The following PAMR1 variants were observed in gnomAD, a reference collection of about 807,000 sequenced individuals.
The protein encoded by PAMR1 is peptidase domain containing associated with muscle regeneration 1, also known as inactive serine protease PAMR1.
PAMR1 carries 88 observed loss-of-function variants against 81.8 expected under a neutral mutation model. The observed-to-expected ratio is 1.08, with a 90% CI of 0.91 to 1.28. The LOEUF (loss-of-function observed/expected upper bound fraction) is 1.28. PAMR1 is among the 50% of genes most tolerant of loss of function. The pLI is 0.00. For synonymous variants in PAMR1, 336 were observed against 345.3 expected (o/e 0.97, Z 0.30); for missense variants, 935 against 919.7 (o/e 1.02, Z -0.21).
At chr11:35,512,393 C>T (rs1334723796) in intron 1 of PAMR1, among the ~76,000 whole-genome samples, 1 of 152,112 alleles carries the variant, frequency 6.6e-6, no homozygotes, top group African/African-American at 2.4e-5. Context: ...TAAATTGCCC[C>T]AGGTAACACG....
intron 6 of PAMR1, among the ~76,000 whole-genome samples, chr11:35,459,965 G>A (rs773459840): frequency 3.3e-5 from 5 of 152,206 alleles, no homozygotes; most frequent in Non-Finnish European, 5.9e-5. Context: ...GGAACATTGA[G>A]ACAAATAAAT....
chr11:35,451,248 G>A lies in PAMR1; in HGVS notation c.821-9555C>T, dbSNP rs568815954. On this transcript the variant is annotated intron_variant, in intron 6 of 10. Coordinates refer to ENST00000619888, the MANE Select transcript of PAMR1 (RefSeq NM_001001991.3). The stretch of plus-strand genomic sequence containing the variant: ...ATATTTAATGTGGATTTAACTAGCA[G>A]AAACTTTAGAGAGTTTTTGAGCCCT... Among the ~76,000 whole-genome samples, 12 of 152,292 alleles carry A rather than the reference G, an allele frequency of 7.9e-5. No homozygotes were observed. The South Asian group carries it at 2.1e-3, about 26-fold the overall frequency.
At chr11:35,527,338 C>T (rs547795753), upstream of PAMR1, among the ~76,000 whole-genome samples, 19 of 152,252 alleles carry the variant, frequency 1.2e-4, no homozygotes, top group East Asian at 2.5e-3. Flanking sequence ...AATAAGATTA[C>T]GCATGTAAGG....
chr11:35,516,778 A>G (rs531165975), intron 1 of PAMR1, among the ~76,000 whole-genome samples: 1 of 152,334 alleles, frequency 6.6e-6, no homozygotes, highest in South Asian at 2.1e-4. Context: ...TGACAAACAC[A>G]AGAGAATTTT....
At chr11:35,492,755 C>T (rs1042201911) in intron 2 of PAMR1, among the ~76,000 whole-genome samples, 7 of 152,174 alleles carry the variant, frequency 4.6e-5, no homozygotes, top group Non-Finnish European at 1.0e-4. Context: ...ACAATAGGCT[C>T]ACCGTGGAAT....
chr11:35,474,622 C>G lies in PAMR1; in HGVS notation c.494+8G>C. On this transcript the variant is annotated splice_region_variant and intron_variant, in intron 4 of 10. Coordinates refer to ENST00000619888, the MANE Select transcript of PAMR1 (RefSeq NM_001001991.3). ...TCAGACTCCTGACTTCTGGCCCCAG[C>G]TCCTTACCTTAGTTGGATGACAAAC... 1 of 1,538,172 alleles carries G rather than the reference C, an allele frequency of 6.5e-7. No homozygotes were observed. Among genetic ancestry groups the G allele is most frequent in the Admixed American group, 1.8e-5 (1 of 54,632 alleles).
At chr11:35,527,401 A>G (rs932917989), upstream of PAMR1, among the ~76,000 whole-genome samples, 2 of 152,230 alleles carry the variant, frequency 1.3e-5, no homozygotes, top group Non-Finnish European at 2.9e-5. Flanking sequence ...ATTAATCATT[A>G]TCTCTATTAT....
intron 6 of PAMR1, among the ~76,000 whole-genome samples, chr11:35,454,227 T>G (rs890700563): frequency 1.3e-5 from 2 of 152,220 alleles, no homozygotes; most frequent in African/African-American, 4.8e-5. Flanking sequence ...GAACCGGCAC[T>G]TACAACCTTC....
chr11:35,500,046 A>G (rs934247560), intron 1 of PAMR1, among the ~76,000 whole-genome samples: 15 of 152,258 alleles, frequency 9.9e-5, no homozygotes, highest in Non-Finnish European at 2.2e-4. Flanking sequence ...GGCAACCTCT[A>G]GAAGTCTGAA....
At position 35,432,532 on chromosome 11, in the gene PAMR1, C is replaced by T. The variant is rs758239801; in HGVS notation, c.1987G>A (p.Ala663Thr). The change falls in exon 11 of 11, where the codon GCA (alanine) becomes ACA (threonine). Residue 663 changes from alanine to threonine, a missense_variant. By Grantham distance (58) the Ala-to-Thr change is moderately conservative (BLOSUM62 0). Transcript: ENST00000619888. ...ACAGCCGCGATGCCTCCTGTCTCTGCAGTGCAGATATCAGAAGGGGCAGTG... is the reference window on the plus strand; with the variant it reads ...ACAGCCGCGATGCCTCCTGTCTCTGTAGTGCAGATATCAGAAGGGGCAGTG... The part of the protein sequence containing the change: ...EPTAPSDICT[A>T]ETGGIAAVSF... 16 of 1,614,254 alleles carry T rather than the reference C, an allele frequency of 9.9e-6. No homozygotes were observed. The highest frequency in any genetic ancestry group is 1.6e-4 in the Middle Eastern group (1 of 6,062).
At chr11:35,445,997 C>T (rs1019243649) in intron 6 of PAMR1, among the ~76,000 whole-genome samples, 3 of 152,152 alleles carry the variant, frequency 2.0e-5, no homozygotes, top group Non-Finnish European at 4.4e-5. Context: ...TTAATTACTA[C>T]CTCGATTTCA....
chr11:35,499,990 G>A (rs909940069), intron 1 of PAMR1, among the ~76,000 whole-genome samples: 16 of 152,196 alleles, frequency 1.1e-4, no homozygotes, highest in Non-Finnish European at 1.6e-4. Flanking sequence ...TTGGAGTGAT[G>A]TACTTTGAAG....
chr11:35,437,063 G>A (rs1026331594), intron 8 of PAMR1, among the ~76,000 whole-genome samples: 3 of 152,138 alleles, frequency 2.0e-5, no homozygotes, highest in Non-Finnish European at 4.4e-5. Flanking sequence ...CGCATTGATC[G>A]GGAGAAATAT....
intron 6 of PAMR1, among the ~76,000 whole-genome samples, chr11:35,455,792 T>A (rs945730247): frequency 6.6e-6 from 1 of 152,106 alleles, no homozygotes; most frequent in African/African-American, 2.4e-5. Context: ...ATGTTTAATA[T>A]AGAAATTTTT....
In PAMR1 at chr11:35,472,174, T is replaced by C. The variant is rs114384270; in HGVS notation, c.495-1356A>G. On this transcript the variant is annotated intron_variant, in intron 4 of 10. Transcript: ENST00000619888. ...ATCTAAGAGGACAGCTGATTTCTTA[T>C]GCAGATGCCACCATGCACTCACTGT... Among the ~76,000 whole-genome samples, 276 of 152,348 alleles carry C rather than the reference T, an allele frequency of 1.8e-3. 2 individuals carry two copies. Among genetic ancestry groups the C allele is most frequent in the African/African-American group, 6.3e-3 (262 of 41,594 alleles).
intron 8 of PAMR1, 66 bp downstream of exon 8, chr11:35,439,561 G>A: frequency 2.3e-6 from 3 of 1,281,412 alleles, no homozygotes; most frequent in South Asian, 1.2e-5. Context: ...ACACAAGTGG[G>A]GAAGGGGAAT....
intron 1 of PAMR1, among the ~76,000 whole-genome samples, chr11:35,519,770 C>G (rs941707331): frequency 1.3e-5 from 2 of 152,208 alleles, no homozygotes; most frequent in Non-Finnish European, 2.9e-5. Context: ...CAGGGATAAT[C>G]AGACACCCTT....
intron 6 of PAMR1, among the ~76,000 whole-genome samples, chr11:35,454,095 G>A (rs1040319485): frequency 6.6e-6 from 1 of 152,158 alleles, no homozygotes; most frequent in Non-Finnish European, 1.5e-5. Flanking sequence ...TGTCATGTCA[G>A]TTTACAGAAG....
chr11:35,467,961 C>T (rs772030230), intron 6 of PAMR1, 40 bp downstream of exon 6: 1 of 1,241,242 alleles, frequency 8.1e-7, no homozygotes, highest in Non-Finnish European at 1.2e-6. Context: ...CATACCAGCC[C>T]CATCTGACAC....
Sources: gnomAD v4.1 joint callset for allele counts (sites outside exome capture counted in the v4.1 genomes callset) on GRCh38, gnomAD v4.1.1 for gene constraint, MANE v1.5 for transcripts, NCBI Gene and HGNC (gene_info 2026-07-23, HGNC 2026-07-21) for gene names.